SKAP2: variants seen among roughly 807,000 people sequenced by gnomAD.
SKAP2 encodes the protein src kinase associated phosphoprotein 2, also known as src kinase-associated phosphoprotein 2.
A neutral mutation model predicts 54.9 loss-of-function variants in SKAP2; 28 were observed. The ratio of observed to expected loss-of-function variants is 0.51; its 90% CI spans 0.38 to 0.70. The LOEUF (loss-of-function observed/expected upper bound fraction) is 0.70, where lower values mean the gene tolerates loss of function less well. SKAP2 is among the 30% of genes least tolerant of loss of function. The probability of loss-of-function intolerance (pLI) is 0.00; values close to 1 mark genes in which losing one functional copy is unlikely to be tolerated. For missense variants in SKAP2, 356 were observed against 424.1 expected, an observed-to-expected ratio of 0.84 and a Z score of 1.41; for synonymous variants, 137 against 134.3, an observed-to-expected ratio of 1.02 and a Z score of -0.14.
intron 4 of SKAP2, among the ~76,000 whole-genome samples, chr7:26,838,446 G>A (rs140498705): frequency 5.9e-5 from 9 of 152,086 alleles, no homozygotes; most frequent in Admixed American, 5.2e-4. Context: ...GCAATTACCC[G>A]GTTCAAACTC....
chr7:26,791,280 G>A (rs926417562), intron 4 of SKAP2, among the ~76,000 whole-genome samples: 1 of 151,762 alleles, frequency 6.6e-6, no homozygotes, highest in Non-Finnish European at 1.5e-5. Context: ...TTTGATATGG[G>A]GTCTCACTCT....
At chr7:26,858,991 T>C (rs1432855882) in intron 1 of SKAP2, among the ~76,000 whole-genome samples, 2 of 152,044 alleles carry the variant, frequency 1.3e-5, no homozygotes, top group African/African-American at 2.4e-5. Context: ...TCCTGGCCCA[T>C]GCATATACAC....
chr7:26,790,109 A>G (rs1055866697), intron 4 of SKAP2, among the ~76,000 whole-genome samples: 13 of 152,090 alleles, frequency 8.5e-5, no homozygotes, highest in Admixed American at 2.6e-4. Context: ...ATCACCTCTA[A>G]CTGTTCATTC....
At chr7:26,718,474 G>C (rs988605440) in intron 9 of SKAP2, among the ~76,000 whole-genome samples, 5 of 151,750 alleles carry the variant, frequency 3.3e-5, no homozygotes, top group African/African-American at 1.2e-4. Context: ...GGTAGGGAGT[G>C]ACTTCCACTT....
intron 11 of SKAP2, among the ~76,000 whole-genome samples, chr7:26,671,192 T>C (rs1443613006): frequency 6.6e-6 from 1 of 152,070 alleles, no homozygotes; most frequent in African/African-American, 2.4e-5. Flanking sequence ...AAAATGAATT[T>C]CAAGTTTCAA....
In SKAP2 at chr7:26,864,055, T is replaced by TCACACACTCACACACACA. The variant is rs1554310124; in HGVS notation, c.67+307_67+308insTGTGTGTGTGAGTGTGTG. 7.8e-4 allele frequency among the ~76,000 whole-genome samples: 112 copies of TCACACACTCACACACACA among 143,434 alleles called. 1 individual carries two copies. The highest frequency in any genetic ancestry group is 2.7e-3 in the African/African-American group (103 of 38,076). 94.1% of individuals were successfully genotyped at this position (143,434 alleles called of 152,430 possible). ...CCACTCTTCCTCCCCCGCCCTTCTG[T>TCACACACTCACACACACA]CACACACACACACACACACACACAC... On this transcript the variant is annotated intron_variant, in intron 1 of 12. Transcript: ENST00000345317.
intron 3 of SKAP2, among the ~76,000 whole-genome samples, chr7:26,853,455 C>A (rs1785090856): frequency 6.6e-6 from 1 of 152,080 alleles, no homozygotes; most frequent in Non-Finnish European, 1.5e-5. Flanking sequence ...TAGGAAGTTC[C>A]TATACCTTTC....
chr7:26,766,796 C>T (rs1234865167), intron 4 of SKAP2, among the ~76,000 whole-genome samples: 1 of 152,168 alleles, frequency 6.6e-6, no homozygotes, highest in East Asian at 1.9e-4. Context: ...GTCAAACCAG[C>T]CTTGCATCCC....
intron 4 of SKAP2, among the ~76,000 whole-genome samples, chr7:26,842,306 A>C (rs1339186871): frequency 6.6e-6 from 1 of 151,632 alleles, no homozygotes; most frequent in African/African-American, 2.4e-5. Context: ...TCAATAAAAT[A>C]ACCTTTTAAC....
intron 1 of SKAP2, among the ~76,000 whole-genome samples, chr7:26,856,674 T>A (rs1785170240): frequency 6.6e-6 from 1 of 152,160 alleles, no homozygotes; most frequent in Non-Finnish European, 1.5e-5. Flanking sequence ...CAGTAACTTT[T>A]GCAAGAAAGT....
At chr7:26,723,727 A>G (rs1787632228) in intron 9 of SKAP2, among the ~76,000 whole-genome samples, 1 of 151,352 alleles carries the variant, frequency 6.6e-6, no homozygotes, top group Non-Finnish European at 1.5e-5. Context: ...AGGGGTGGGG[A>G]GAGAACAGCC....
chr7:26,841,436 G>A (rs895554477), intron 4 of SKAP2, among the ~76,000 whole-genome samples: 5 of 151,738 alleles, frequency 3.3e-5, no homozygotes, highest in Admixed American at 6.6e-5. Flanking sequence ...ATTTCTATAC[G>A]GTGCCTGGAC....
At chr7:26,750,968 T>C (rs1351371094) in intron 4 of SKAP2, among the ~76,000 whole-genome samples, 1 of 152,174 alleles carries the variant, frequency 6.6e-6, no homozygotes, top group Non-Finnish European at 1.5e-5. Context: ...AGGTATAAAT[T>C]TTTAAAATTA....
intron 3 of SKAP2, among the ~76,000 whole-genome samples, chr7:26,849,884 T>C (rs1489138739): frequency 6.6e-6 from 1 of 152,196 alleles, no homozygotes; most frequent in African/African-American, 2.4e-5. Flanking sequence ...TCTGAGAATA[T>C]GCATTAATAT....
chr7:26,854,786 T>C lies in SKAP2; in HGVS notation c.172A>G (p.Ile58Val), dbSNP rs140223829. The C allele has an allele frequency of 2.5e-5, 40 of 1,594,440 alleles. No individual in the cohort carries two copies. Among genetic ancestry groups the C allele is most frequent in the Admixed American group, 5.1e-5 (3 of 58,950 alleles). ...GTAAACAAAAGGTAAGTGACTTACA[T>C]AGACTTTACATCTTTTATCTTCTTA... ...LIKKIKDVKS[I>V]YLQEFQDKGD... Residue 58 changes from isoleucine to valine, a missense_variant and splice_region_variant, in exon 2 of 13, where the codon ATC (isoleucine) becomes GTC (valine). Physicochemically the swap from Ile to Val is conservative, Grantham distance 29 (BLOSUM62 3). Transcript: ENST00000345317.
intron 4 of SKAP2, among the ~76,000 whole-genome samples, chr7:26,749,665 C>T (rs1217001704): frequency 1.3e-5 from 2 of 151,390 alleles, no homozygotes; most frequent in African/African-American, 4.9e-5. Flanking sequence ...TAGTTTGAGT[C>T]CAGGAGTTCA....
At chr7:26,719,201 T>G (rs903752527) in intron 9 of SKAP2, among the ~76,000 whole-genome samples, 1 of 151,866 alleles carries the variant, frequency 6.6e-6, no homozygotes, top group Non-Finnish European at 1.5e-5. Context: ...AAATCTAAGA[T>G]TTAGCAATAA....
chr7:26,770,127 T>G (rs1410649270), intron 4 of SKAP2, among the ~76,000 whole-genome samples: 3 of 152,202 alleles, frequency 2.0e-5, no homozygotes, highest in Non-Finnish European at 2.9e-5. Flanking sequence ...CTGAGGCTGC[T>G]GCCTTTCTTC....
intron 4 of SKAP2, among the ~76,000 whole-genome samples, chr7:26,802,472 T>C (rs1253213268): frequency 6.6e-6 from 1 of 152,030 alleles, no homozygotes; most frequent in Non-Finnish European, 1.5e-5. Flanking sequence ...GGTTTCTCCA[T>C]GTTGGTCAGG....
Sources: allele counts gnomAD v4.1 joint callset (sites outside exome capture counted in the v4.1 genomes callset), GRCh38; gene constraint gnomAD v4.1.1; transcripts MANE v1.5; gene names NCBI Gene and HGNC (gene_info 2026-07-23, HGNC 2026-07-21).